Variants in CHID1 observed in about 807,000 individuals in gnomAD.
CHID1 encodes chitinase domain containing 1, also known as chitinase domain-containing protein 1.
In CHID1, 44 loss-of-function variants were observed where a neutral mutation model predicts 55.4. That is an observed-to-expected ratio of 0.79 (90% CI 0.62 to 1.02). CHID1 has a LOEUF of 1.02. CHID1 is among the 50% of genes least tolerant of loss of function. CHID1 has a pLI of 0.00. For missense variants in CHID1, 491 were observed against 515.3 expected (o/e 0.95, Z 0.46); for synonymous variants, 216 against 212.9 (o/e 1.01, Z -0.13).
chr11:910,947 G>A, upstream of CHID1: 1 of 404,310 alleles, frequency 2.5e-6, no homozygotes, highest in South Asian at 9.3e-5. Context: ...TCGGGGCCGG[G>A]GCCGGGGCCG....
chr11:877,551 G>T (rs1849596331), intron 10 of CHID1, among the ~76,000 whole-genome samples: 1 of 152,234 alleles, frequency 6.6e-6, no homozygotes, highest in Admixed American at 6.5e-5. Flanking sequence ...AAGCCACACT[G>T]ATGCCTTGTG....
intron 2 of CHID1, 97 bp downstream of exon 2, chr11:904,609 A>G: frequency 6.9e-7 from 1 of 1,456,154 alleles, no homozygotes; most frequent in Non-Finnish European, 9.5e-7. Flanking sequence ...AAGCCCCTCG[A>G]GCCTCCTGGC....
At position 903,054 on chromosome 11, in the gene CHID1, C is replaced by G; in HGVS notation, c.169G>C (p.Ala57Pro). The G allele has an allele frequency of 6.2e-7, 1 of 1,613,752 alleles. No individual in the cohort carries two copies. Among genetic ancestry groups the G allele is most frequent in the African/African-American group, 1.3e-5 (1 of 75,058 alleles). ...DRGLVVTDLK[A>P]ESVVLEHRSY... ...CGATGCTCAAGAACCACACTCTCAG[C>G]TTTGAGGTCCGTCACCACCAAACCC... is the stretch of plus-strand genomic sequence containing the variant. Residue 57 changes from alanine to proline, a missense_variant, in exon 3 of 13, where the codon GCT (alanine) becomes CCT (proline). Transcript: ENST00000323578.
chr11:915,027 C>T (rs188091123), upstream of CHID1: 606 of 159,890 alleles, frequency 3.8e-3, 2 homozygotes, highest in Non-Finnish European at 6.5e-3. Context: ...GTTCAGAGGC[C>T]GGAAGCCCAG....
chr11:895,392 G>C (rs917938009), intron 7 of CHID1, among the ~76,000 whole-genome samples: 5 of 152,148 alleles, frequency 3.3e-5, no homozygotes, highest in Non-Finnish European at 7.4e-5. Flanking sequence ...CCTTCAAGGA[G>C]GACAGGTGTG....
intron 8 of CHID1, among the ~76,000 whole-genome samples, chr11:891,195 C>T (rs1029623235): frequency 5.3e-5 from 8 of 152,174 alleles, no homozygotes; most frequent in South Asian, 2.1e-4. Context: ...TCACCGGCCC[C>T]GCCGACTGGG....
At position 902,298 on chromosome 11, in the gene CHID1, G is replaced by A. The variant is rs765994626; in HGVS notation, c.294C>T (p.Val98=). The A allele has an allele frequency of 6.2e-7, 1 of 1,613,658 alleles. No homozygotes were observed. The highest frequency in any genetic ancestry group is 1.1e-5 in the South Asian group (1 of 91,072). Residue 98 remains valine (V), a synonymous_variant, in exon 4 of 13, where the codon GTC becomes GTT. Coordinates refer to ENST00000323578, the MANE Select transcript of CHID1 (RefSeq NM_023947.4). ...AGATCTGTGTGAACTTGCTCCCAAA[G>A]ACCTTGGTGACATCGTAGCCATGGC... The part of the protein sequence containing the change: ...WNSHGYDVTK[V]FGSKFTQISP...
chr11:872,609 A>C (rs1435506766), intron 10 of CHID1, among the ~76,000 whole-genome samples: 1 of 152,180 alleles, frequency 6.6e-6, no homozygotes, highest in Non-Finnish European at 1.5e-5. Flanking sequence ...GCCCCTCCAG[A>C]CCAGGCAACG....
At chr11:904,664 C>T in intron 2 of CHID1, 42 bp downstream of exon 2, 1 of 1,610,180 alleles carries the variant, frequency 6.2e-7, no homozygotes, top group Non-Finnish European at 8.5e-7. Flanking sequence ...TGGATCAGCC[C>T]TCAGCCAGTA....
intron 10 of CHID1, chr11:882,921 G>A (rs1850095804): frequency 8.1e-6 from 4 of 496,466 alleles, no homozygotes; most frequent in Non-Finnish European, 1.4e-5. Context: ...CAGATGTGGG[G>A]ACAGCCTCAC....
intron 10 of CHID1, among the ~76,000 whole-genome samples, chr11:871,322 A>G (rs1194915635): frequency 1.3e-5 from 2 of 152,086 alleles, no homozygotes; most frequent in Non-Finnish European, 2.9e-5. Context: ...AGTCTGCCTC[A>G]GTCTTGAACA....
rs562645800 is a variant in CHID1 at position 875,368 on chromosome 11, C to T, written c.960-4869G>A. 3.3e-5 allele frequency among the ~76,000 whole-genome samples: 5 copies of T among 152,336 alleles called. No homozygotes were observed. The East Asian group carries it at 5.8e-4, about 18-fold the overall frequency. ...GCCCTGAGGTTCACCGTCTCCCGCT[C>T]GGGGAGGCGGGCGTGGCTGGGCCCG... On this transcript the variant is annotated intron_variant, in intron 10 of 12. Coordinates refer to ENST00000323578, the MANE Select transcript of CHID1 (RefSeq NM_023947.4). This position sits in a 1 kb window ranked among gnomAD's most constrained non-coding sequence, Gnocchi z 4.7.
intron 3 of CHID1, among the ~76,000 whole-genome samples, chr11:902,534 T>A (rs561783704): frequency 2.6e-5 from 4 of 152,158 alleles, no homozygotes; most frequent in Non-Finnish European, 5.9e-5. Context: ...GGCCACGACA[T>A]CCCTTTCACC....
At chr11:890,131 G>A (rs115245315) in intron 8 of CHID1, among the ~76,000 whole-genome samples, 2,585 of 152,294 alleles carry the variant, frequency 0.017, 78 homozygotes, top group African/African-American at 0.059. Flanking sequence ...GGCCTAGCCC[G>A]CTCCCTGACT....
chr11:882,553 G>C (rs1343448231), intron 10 of CHID1: 1 of 152,706 alleles, frequency 6.5e-6, no homozygotes, highest in East Asian at 1.9e-4. Flanking sequence ...CAATAAAATT[G>C]TTCAAAACCA....
chr11:906,241 C>CTT (rs932290374), intron 1 of CHID1, among the ~76,000 whole-genome samples: 3,115 of 134,852 alleles, frequency 0.023, 45 homozygotes, highest in Middle Eastern at 0.066. Flanking sequence ...GGCTGTGGGA[C>CTT]TTTTTTTTTT....
At chr11:906,474 C>T (rs922148500) in intron 1 of CHID1, among the ~76,000 whole-genome samples, 14 of 152,064 alleles carry the variant, frequency 9.2e-5, no homozygotes, top group African/African-American at 3.1e-4. Flanking sequence ...CCTGGCCTCC[C>T]GTGATCTGCC....
At chr11:901,998 TCA>T in intron 4 of CHID1, 198 bp downstream of exon 4, 2 of 622,930 alleles carry the variant, frequency 3.2e-6, no homozygotes, top group South Asian at 1.9e-5. Flanking sequence ...TTCAACACAC[TCA>T]CAATCTCTTC....
rs948440454 is a variant in CHID1 at position 907,460 on chromosome 11, G to A, written c.-43-2601C>T. Among the ~76,000 whole-genome samples the A allele has an allele frequency of 5.9e-5, 9 of 151,856 alleles. No individual in the cohort carries two copies. In the South Asian group the frequency reaches 6.2e-4, roughly 11 times the overall value. On this transcript the variant is annotated intron_variant, in intron 1 of 12. Coordinates refer to ENST00000323578, the MANE Select transcript of CHID1 (RefSeq NM_023947.4). ...AGTGCCAGTGCACTCCAGCCTGGGC[G>A]ACGGTGCGAGACTGTCTTTAAAAAA...
Sources: allele counts gnomAD v4.1 joint callset (sites outside exome capture counted in the v4.1 genomes callset), GRCh38; gene constraint gnomAD v4.1.1; non-coding constraint Gnocchi (gnomAD v3.1); transcripts MANE v1.5; gene names NCBI Gene and HGNC (gene_info 2026-07-23, HGNC 2026-07-21).